Variants in FRMD4A observed in about 807,000 individuals in gnomAD.
FRMD4A encodes the protein FERM domain-containing protein 4A.
Under a neutral mutation model 129.1 loss-of-function variants are expected in FRMD4A, and 29 were observed. The observed-to-expected ratio is 0.22, with a 90% CI of 0.17 to 0.31. The LOEUF (loss-of-function observed/expected upper bound fraction) is 0.31, where lower values mean the gene tolerates loss of function less well. FRMD4A is among the 10% of genes least tolerant of loss of function. The pLI is 1.00. For synonymous variants in FRMD4A, 634 were observed against 571.6 expected, an observed-to-expected ratio of 1.11 and a Z score of -1.56; for missense variants, 1,272 against 1,375.8, an observed-to-expected ratio of 0.92 and a Z score of 1.19.
intron 15 of FRMD4A, among the ~76,000 whole-genome samples, chr10:13,677,312 C>A (rs927232636): frequency 6.6e-6 from 1 of 152,234 alleles, no homozygotes; most frequent in African/African-American, 2.4e-5. Context: ...AAGCAGCTAA[C>A]AAATATTAGC....
chr10:14,013,315 G>C (rs1412903582), intron 2 of FRMD4A, among the ~76,000 whole-genome samples: 1 of 152,104 alleles, frequency 6.6e-6, no homozygotes, highest in Non-Finnish European at 1.5e-5. Context: ...CCAGGCAATA[G>C]ATGGCAACTA....
chr10:13,744,926 C>T (rs1292126643), intron 9 of FRMD4A, among the ~76,000 whole-genome samples: 1 of 152,126 alleles, frequency 6.6e-6, no homozygotes, highest in Non-Finnish European at 1.5e-5. Context: ...TGCGGCTTTG[C>T]TTTTTAAAAA....
intron 2 of FRMD4A, among the ~76,000 whole-genome samples, chr10:13,965,064 C>T (rs887903966): frequency 3.6e-5 from 4 of 110,978 alleles, no homozygotes; most frequent in Non-Finnish European, 5.5e-5. Context: ...GACCACTGGG[C>T]ATTTTTTTTT....
chr10:14,250,541 C>T (rs541957617), intron 2 of FRMD4A, among the ~76,000 whole-genome samples: 1 of 152,122 alleles, frequency 6.6e-6, no homozygotes, highest in Non-Finnish European at 1.5e-5. Flanking sequence ...TACAACTGCC[C>T]AGGTATAAAA....
intron 2 of FRMD4A, among the ~76,000 whole-genome samples, chr10:13,973,348 A>G (rs1419201068): frequency 6.6e-6 from 1 of 152,208 alleles, no homozygotes; most frequent in Non-Finnish European, 1.5e-5. Flanking sequence ...TTTAATTAAT[A>G]TAATGCAGCC....
At chr10:14,169,526 G>A (rs1010080116) in intron 2 of FRMD4A, among the ~76,000 whole-genome samples, 1 of 152,092 alleles carries the variant, frequency 6.6e-6, no homozygotes, top group Non-Finnish European at 1.5e-5. Context: ...CAAAGACCAT[G>A]CTTCCATCCG....
At chr10:13,838,157 T>C (rs1360864344) in intron 3 of FRMD4A, among the ~76,000 whole-genome samples, 3 of 152,036 alleles carry the variant, frequency 2.0e-5, no homozygotes, top group African/African-American at 7.2e-5. Flanking sequence ...GGCGTGATCA[T>C]AGCTCACTGA....
At chr10:13,957,441 GAC>G (rs1335837886) in intron 2 of FRMD4A, among the ~76,000 whole-genome samples, 3 of 152,072 alleles carry the variant, frequency 2.0e-5, no homozygotes, top group Non-Finnish European at 4.4e-5. Context: ...TTTTAGTAGA[GAC>G]AGGGTTTCAC....
intron 2 of FRMD4A, among the ~76,000 whole-genome samples, chr10:13,998,672 C>G (rs992931058): frequency 6.6e-6 from 1 of 152,144 alleles, no homozygotes; most frequent in African/African-American, 2.4e-5. Context: ...TCCTGTCTTC[C>G]TTTCTCCCTC....
At chr10:13,693,664 C>A in intron 15 of FRMD4A, 2 of 648,628 alleles carry the variant, frequency 3.1e-6, no homozygotes, top group Non-Finnish European at 5.3e-6. Flanking sequence ...GGCCTTCTTG[C>A]ACTGCGTGGT....
chr10:13,879,089 A>G (rs1392069821), intron 2 of FRMD4A, among the ~76,000 whole-genome samples: 5 of 152,228 alleles, frequency 3.3e-5, no homozygotes, highest in Non-Finnish European at 5.9e-5. Context: ...TATATTTTAA[A>G]TAAGCATAGT....
At chr10:14,195,659 C>G (rs1482411732) in intron 2 of FRMD4A, among the ~76,000 whole-genome samples, 1 of 152,198 alleles carries the variant, frequency 6.6e-6, no homozygotes, top group Non-Finnish European at 1.5e-5. Flanking sequence ...TGGGGCTAAT[C>G]AGTTTCTTAC....
At chr10:14,235,534 C>T (rs1843782641) in intron 2 of FRMD4A, among the ~76,000 whole-genome samples, 1 of 152,186 alleles carries the variant, frequency 6.6e-6, no homozygotes, top group Non-Finnish European at 1.5e-5. Flanking sequence ...CACTATAATA[C>T]ATCTTCCAGA....
chr10:14,109,792 A>G (rs1216256225), intron 2 of FRMD4A, among the ~76,000 whole-genome samples: 1 of 151,438 alleles, frequency 6.6e-6, no homozygotes, highest in Non-Finnish European at 1.5e-5. Context: ...GCCAACATGG[A>G]GAAACCCTGT....
chr10:14,029,929 C>T (rs1833158466), intron 2 of FRMD4A, among the ~76,000 whole-genome samples: 1 of 152,086 alleles, frequency 6.6e-6, no homozygotes, highest in South Asian at 2.1e-4. Context: ...GTTTTTACAA[C>T]ACCATTTATT....
intron 2 of FRMD4A, among the ~76,000 whole-genome samples, chr10:14,274,929 C>CT (rs1656988273): frequency 6.6e-6 from 1 of 152,196 alleles, no homozygotes; most frequent in Non-Finnish European, 1.5e-5. Flanking sequence ...TGAATAAGTT[C>CT]TTACTCCTGT....
At chr10:14,326,780 C>G in intron 2 of FRMD4A, 1 of 398,508 alleles carries the variant, frequency 2.5e-6, no homozygotes. Flanking sequence ...GACACGTAGC[C>G]AAGAGCTTCC....
intron 2 of FRMD4A, among the ~76,000 whole-genome samples, chr10:14,310,486 G>C (rs912137557): frequency 6.6e-6 from 1 of 152,218 alleles, no homozygotes; most frequent in African/African-American, 2.4e-5. Context: ...CAAGCTGAAA[G>C]CTTGCACGGG....
chr10:14,039,590 G>A (rs533078630), intron 2 of FRMD4A, among the ~76,000 whole-genome samples: 1 of 152,020 alleles, frequency 6.6e-6, no homozygotes, highest in South Asian at 2.1e-4. Flanking sequence ...GGCTAAACCT[G>A]CCTTCCATTC....
Sources: allele counts gnomAD v4.1 joint callset (sites outside exome capture counted in the v4.1 genomes callset), GRCh38; gene constraint gnomAD v4.1.1; transcripts MANE v1.5; gene names NCBI Gene and HGNC (gene_info 2026-07-23, HGNC 2026-07-21).